Variants in GNL3L observed in about 807,000 individuals in gnomAD.
GNL3L encodes guanine nucleotide-binding protein-like 3-like protein.
A neutral mutation model predicts 42.9 loss-of-function variants in GNL3L; 4 were observed. The ratio of observed to expected loss-of-function variants is 0.09; its 90% CI spans 0.05 to 0.21. The LOEUF is 0.21. GNL3L is among the 10% of genes least tolerant of loss of function. The pLI is 1.00. For missense variants in GNL3L, 412 were observed against 481.7 expected (o/e 0.86, Z 1.36); for synonymous variants, 159 against 176.3 (o/e 0.90, Z 0.78).
chrX:54,593,813 T>C (rs1306558225), intron 16 of GNL3L, among the ~76,000 whole-genome samples: 1 of 111,662 alleles, frequency 9.0e-6, no homozygotes, highest in African/African-American at 3.2e-5. Context: ...TTATCTTTTG[T>C]TTCAAGAAAT....
downstream of GNL3L, among the ~76,000 whole-genome samples, chrX:54,622,623 CTT>C (rs1467292657): frequency 9.0e-6 from 1 of 110,586 alleles, no homozygotes; most frequent in Non-Finnish European, 1.9e-5. Flanking sequence ...ATATTAAACA[CTT>C]ATCAGATATA....
chrX:54,584,081 ATT>A (rs36085364), intron 16 of GNL3L, among the ~76,000 whole-genome samples: 20 of 94,588 alleles, frequency 2.1e-4, no homozygotes, highest in African/African-American at 4.5e-4. Flanking sequence ...TCTTCTAATG[ATT>A]TTTTTTTTTT....
At chrX:54,552,881 G>C (rs984662020) in intron 13 of GNL3L, among the ~76,000 whole-genome samples, 1 of 112,141 alleles carries the variant, frequency 8.9e-6, no homozygotes, top group Non-Finnish European at 1.9e-5. Context: ...AAGGATGTCA[G>C]CAGAGGTGGC....
downstream of GNL3L, among the ~76,000 whole-genome samples, chrX:54,567,521 C>T (rs752152345): frequency 2.0e-3 from 219 of 109,715 alleles, no homozygotes; most frequent in African/African-American, 6.6e-3. Context: ...CAGCGCATGC[C>T]TGTAGTCCCA....
In GNL3L at chrX:54,542,286, C is replaced by T. The variant is rs185429287; in HGVS notation, c.307-669C>T. On this transcript the variant is annotated intron_variant, in intron 5 of 15. Transcript: ENST00000360845. The stretch of plus-strand genomic sequence containing the variant: ...AACAGTCCCCGGTGTGTGATGTTCC[C>T]CTTCCTGTGTCCAAGTGTTCTCATT... 5.9e-3 allele frequency among the ~76,000 whole-genome samples: 581 copies of T among 97,674 alleles called. 7 individuals are homozygous for T. The highest frequency in any genetic ancestry group is 0.056 in the Middle Eastern group (11 of 195). The allele number at this position is 97,674 out of a possible 115,157, so 84.8% of individuals were successfully genotyped here.
rs1320583276 is a variant in GNL3L at position 54,565,318 on chromosome X, C to A, written c.*4716C>A. 9.0e-6 allele frequency among the ~76,000 whole-genome samples: 1 copy of A among 111,282 alleles called. No homozygotes were observed. On this transcript the variant is annotated 3_prime_UTR_variant, in exon 16 of 16. Transcript: ENST00000360845. ...TGTTTTCATTTATCTATAGTAAATA[C>A]CTAGAGTTGGATTGCTGGGATATAT...
At chrX:54,634,409 GT>G in the GNL3L span, among the ~76,000 whole-genome samples, 1 of 111,590 alleles carries the variant, frequency 9.0e-6, no homozygotes, top group Non-Finnish European at 1.9e-5. Flanking sequence ...TCAAATGATT[GT>G]CTTGCCTCAG....
rs760284296 is a variant in GNL3L at position 54,545,672 on chromosome X, A to T, written c.630+1346A>T. On this transcript the variant is annotated intron_variant, in intron 8 of 15. Coordinates refer to ENST00000360845, the MANE Select transcript of GNL3L (RefSeq NM_001184819.2). ...GGAGAAAAATTGGATACTAAGGGAC[A>T]TTTTTTTTCAATTTTGCATTGGATG... Among the ~76,000 whole-genome samples the T allele has an allele frequency of 2.3e-4, 26 of 111,105 alleles. No individual in the cohort carries two copies. The South Asian group carries it at 3.7e-3, about 16-fold the overall frequency.
rs1422013415 is a variant in GNL3L at position 54,563,772 on chromosome X, T to C, written c.*3170T>C. ...CTGCTCTCCAGCGTGGGCAACAGAG[T>C]GAGACTGTCTCAGGGGGAAAAAAAA... is the stretch of plus-strand genomic sequence containing the variant. On this transcript the variant is annotated 3_prime_UTR_variant, in exon 16 of 16. Coordinates refer to ENST00000360845, the MANE Select transcript of GNL3L (RefSeq NM_001184819.2). Among the ~76,000 whole-genome samples the C allele has an allele frequency of 9.4e-6, 1 of 106,826 alleles. No homozygotes were observed. The highest frequency in any genetic ancestry group is 1.9e-5 in the Non-Finnish European group (1 of 52,492). 92.8% of individuals were successfully genotyped at this position (106,826 alleles called of 115,157 possible). A position where few individuals can be genotyped will look rare whatever the true frequency, so the allele number is the denominator to read the frequency against.
At chrX:54,586,855 T>A (rs925095800) in intron 16 of GNL3L, among the ~76,000 whole-genome samples, 1 of 111,415 alleles carries the variant, frequency 9.0e-6, no homozygotes, top group Non-Finnish European at 1.9e-5. Context: ...CAGTGGCACC[T>A]AATCATTCCT....
intron 16 of GNL3L, among the ~76,000 whole-genome samples, chrX:54,581,741 A>G (rs956305025): frequency 5.3e-5 from 6 of 112,323 alleles, no homozygotes; most frequent in African/African-American, 1.9e-4. Flanking sequence ...AACAAACAAT[A>G]GTTTGTTCCT....
chrX:54,626,824 T>C, the GNL3L span, among the ~76,000 whole-genome samples: 2 of 111,877 alleles, frequency 1.8e-5, no homozygotes, highest in African/African-American at 6.5e-5. Flanking sequence ...TTGAGAAATA[T>C]CTATTTAGTT....
chrX:54,540,543 C>T (rs1924579705), intron 4 of GNL3L, among the ~76,000 whole-genome samples: 3 of 112,115 alleles, frequency 2.7e-5, no homozygotes, highest in South Asian at 3.7e-4. Flanking sequence ...TTGGAATGCT[C>T]AGCATTTGAG....
intron 16 of GNL3L, among the ~76,000 whole-genome samples, chrX:54,581,977 T>C (rs1248129348): frequency 8.9e-6 from 1 of 112,177 alleles, no homozygotes; most frequent in African/African-American, 3.2e-5. Flanking sequence ...TATTTATTGA[T>C]TGAAGAAACT....
intron 15 of GNL3L, among the ~76,000 whole-genome samples, chrX:54,559,133 C>T (rs1452337531): frequency 1.8e-5 from 2 of 111,752 alleles, no homozygotes; most frequent in East Asian, 2.8e-4. Context: ...CTGTGCCCCT[C>T]CCTCATAGTT....
chrX:54,630,300 G>A, the GNL3L span, among the ~76,000 whole-genome samples: 1 of 109,052 alleles, frequency 9.2e-6, no homozygotes, highest in Non-Finnish European at 1.9e-5. Context: ...CTGGGTTTGG[G>A]TTTGGTTTGT....
At chrX:54,599,400 G>A (rs898639764) in intron 16 of GNL3L, among the ~76,000 whole-genome samples, 1 of 108,911 alleles carries the variant, frequency 9.2e-6, no homozygotes, top group African/African-American at 3.5e-5. Context: ...TCTGAATCTT[G>A]AGTCTACATA....
intron 16 of GNL3L, among the ~76,000 whole-genome samples, chrX:54,586,556 A>G (rs1238278048): frequency 8.9e-6 from 1 of 111,854 alleles, no homozygotes; most frequent in Admixed American, 9.4e-5. Context: ...CGTGGCTGCA[A>G]ACTGCTGTGG....
intron 2 of GNL3L, among the ~76,000 whole-genome samples, chrX:54,534,531 G>C (rs1285474712): frequency 9.0e-6 from 1 of 111,221 alleles, no homozygotes; most frequent in Non-Finnish European, 1.9e-5. Context: ...GGGAGATGAG[G>C]GATTAGCGAA....
Sources: gnomAD v4.1 joint callset for allele counts (sites outside exome capture counted in the v4.1 genomes callset) on GRCh38, gnomAD v4.1.1 for gene constraint, MANE v1.5 for transcripts, NCBI Gene and HGNC (gene_info 2026-07-23, HGNC 2026-07-21) for gene names.